The following USH2A variants were observed in gnomAD, a reference collection of about 807,000 sequenced individuals.
The protein encoded by USH2A is usherin.
A neutral mutation model predicts 538.9 loss-of-function variants in USH2A; 443 were observed. The ratio of observed to expected loss-of-function variants is 0.82; its 90% CI spans 0.76 to 0.89. USH2A has a LOEUF of 0.89. USH2A is among the 40% of genes least tolerant of loss of function. The pLI, the probability that USH2A is intolerant of heterozygous loss-of-function variation, is 0.00. For missense variants in USH2A, 6,633 were observed against 6,324.8 expected (o/e 1.05, Z -1.65); for synonymous variants, 2,413 against 2,273.5 (o/e 1.06, Z -1.75).
chr1:216,095,183 T>A (rs1281363225), intron 22 of USH2A, among the ~76,000 whole-genome samples: 1 of 151,410 alleles, frequency 6.6e-6, no homozygotes, highest in East Asian at 2.0e-4. Context: ...TTTTATGTTA[T>A]CCCTCTTTTT....
At chr1:215,838,719 G>A (rs1353634350) in intron 46 of USH2A, among the ~76,000 whole-genome samples, 1 of 152,146 alleles carries the variant, frequency 6.6e-6, no homozygotes, top group Non-Finnish European at 1.5e-5. Flanking sequence ...AATAACTGAA[G>A]ATTAGAAATG....
chr1:216,393,520 T>C (rs1397033580), intron 3 of USH2A, among the ~76,000 whole-genome samples: 3 of 152,212 alleles, frequency 2.0e-5, no homozygotes, highest in Non-Finnish European at 4.4e-5. Context: ...TGTGGCTTTT[T>C]ATTATTTATG....
At chr1:216,216,725 G>A (rs927659528) in intron 15 of USH2A, among the ~76,000 whole-genome samples, 2 of 152,016 alleles carry the variant, frequency 1.3e-5, no homozygotes, top group African/African-American at 2.4e-5. Context: ...TCAATTCAAG[G>A]TACTGAAAAG....
intron 21 of USH2A, among the ~76,000 whole-genome samples, chr1:216,140,750 C>A (rs544190048): frequency 6.6e-6 from 1 of 152,270 alleles, no homozygotes; most frequent in South Asian, 2.1e-4. Context: ...AAAACAGGTA[C>A]ATTTTCTCTT....
chr1:215,929,796 T>C (rs952659332), intron 38 of USH2A, among the ~76,000 whole-genome samples: 1 of 152,030 alleles, frequency 6.6e-6, no homozygotes, highest in Non-Finnish European at 1.5e-5. Context: ...AAGCAGTGAG[T>C]GAAAGAGGTG....
intron 44 of USH2A, among the ~76,000 whole-genome samples, chr1:215,855,368 T>C (rs753269700): frequency 7.9e-5 from 12 of 152,096 alleles, no homozygotes; most frequent in Non-Finnish European, 1.5e-4. Context: ...AAGCTGAGAA[T>C]CAAATCAATA....
chr1:215,913,555 G>A (rs953935017), intron 38 of USH2A, among the ~76,000 whole-genome samples: 1 of 152,066 alleles, frequency 6.6e-6, no homozygotes, highest in African/African-American at 2.4e-5. Context: ...AGTCTGAAAT[G>A]TATACGAAGG....
intron 21 of USH2A, among the ~76,000 whole-genome samples, chr1:216,135,797 C>T (rs560741826): frequency 5.9e-5 from 9 of 151,986 alleles, no homozygotes; most frequent in Non-Finnish European, 7.4e-5. Context: ...TAAGAAGCCA[C>T]GAATAACAGA....
chr1:215,963,243 A>C (rs1479048996), intron 37 of USH2A, among the ~76,000 whole-genome samples: 1 of 152,112 alleles, frequency 6.6e-6, no homozygotes, highest in African/African-American at 2.4e-5. Context: ...AGAGCCATGC[A>C]GACCTCCCTA....
chr1:216,210,959 C>T (rs1472397791), intron 15 of USH2A, among the ~76,000 whole-genome samples: 2 of 141,384 alleles, frequency 1.4e-5, no homozygotes, highest in Admixed American at 7.9e-5. Flanking sequence ...AGCCTGGCGA[C>T]AGAGCGAGAC....
chr1:216,226,431 G>T (rs888153577), intron 14 of USH2A, among the ~76,000 whole-genome samples: 1 of 152,144 alleles, frequency 6.6e-6, no homozygotes, highest in African/African-American at 2.4e-5. Context: ...GCTAGGACAT[G>T]ATAAAGGCAG....
intron 3 of USH2A, among the ~76,000 whole-genome samples, chr1:216,410,102 A>G (rs989258313): frequency 6.6e-5 from 10 of 152,212 alleles, no homozygotes; most frequent in South Asian, 4.1e-4. Flanking sequence ...CAACAAGCAT[A>G]TGATCGCTGA....
chr1:215,999,716 G>A (rs1382303475), intron 33 of USH2A, among the ~76,000 whole-genome samples: 2 of 152,132 alleles, frequency 1.3e-5, no homozygotes, highest in South Asian at 2.1e-4. Flanking sequence ...GCTAAGTAAC[G>A]TGGCTTGGCT....
intron 50 of USH2A, among the ~76,000 whole-genome samples, chr1:215,790,709 C>A (rs1558099477): frequency 6.6e-6 from 1 of 152,190 alleles, no homozygotes; most frequent in African/African-American, 2.4e-5. Context: ...AAAGCCCAGG[C>A]AGAGTGGAAA....
At position 215,844,430 on chromosome 1, in the gene USH2A, G is replaced by T; in HGVS notation, c.9122C>A (p.Thr3041Lys). The change falls in exon 46 of 72, where the codon ACA becomes AAA. Residue 3041 changes from threonine (T) to lysine (K), a missense_variant. Thr to Lys is a moderately conservative substitution (Grantham distance 78). Transcript: ENST00000307340. ...INSTAVRVIWTSPSNPNGVVT... is the reference protein window; with the variant it reads ...INSTAVRVIWKSPSNPNGVVT... ...AACACCATTTGGGTTTGAAGGAGAT[G>T]TCCAGATGACACGTACAGCTGTACT... 1.9e-6 allele frequency: 3 copies of T among 1,613,338 alleles called. No homozygotes were observed. The highest frequency in any genetic ancestry group is 2.5e-6 in the Non-Finnish European group (3 of 1,179,876).
At chr1:216,076,522 AT>A (rs1010521865) in intron 27 of USH2A, among the ~76,000 whole-genome samples, 14 of 149,312 alleles carry the variant, frequency 9.4e-5, no homozygotes, top group South Asian at 2.1e-4. Flanking sequence ...TCTTGTTTTT[AT>A]TTTTTTTTTC....
At chr1:216,101,188 A>G (rs2032570391) in intron 21 of USH2A, among the ~76,000 whole-genome samples, 1 of 152,242 alleles carries the variant, frequency 6.6e-6, no homozygotes, top group South Asian at 2.1e-4. Flanking sequence ...GATAAATTCT[A>G]TCTTTTGAGC....
intron 9 of USH2A, among the ~76,000 whole-genome samples, chr1:216,319,616 A>G (rs2037569605): frequency 6.6e-6 from 1 of 152,186 alleles, no homozygotes; most frequent in African/African-American, 2.4e-5. Context: ...TTAGAACATG[A>G]AAGTTTTGGT....
At chr1:216,190,466 G>T in intron 19 of USH2A, 99 bp from the exon 20 acceptor site, 6 of 1,498,442 alleles carry the variant, frequency 4.0e-6, no homozygotes, top group Non-Finnish European at 5.4e-6. Flanking sequence ...TTCAGACAGA[G>T]GGAATTATTG....
Sources: gnomAD v4.1 joint callset for allele counts (sites outside exome capture counted in the v4.1 genomes callset) on GRCh38, gnomAD v4.1.1 for gene constraint, MANE v1.5 for transcripts, NCBI Gene and HGNC (gene_info 2026-07-23, HGNC 2026-07-21) for gene names.